Variants in COG6 observed in about 807,000 individuals in gnomAD.
The protein encoded by COG6 is component of oligomeric golgi complex 6, also known as conserved oligomeric Golgi complex subunit 6.
In COG6, 74 loss-of-function variants were observed where a neutral mutation model predicts 88.8. The observed-to-expected ratio is 0.83, with a 90% CI of 0.69 to 1.01. The LOEUF (loss-of-function observed/expected upper bound fraction) is 1.01. COG6 is among the 50% of genes least tolerant of loss of function. The pLI is 0.00. For synonymous variants in COG6, 286 were observed against 278.7 expected, an observed-to-expected ratio of 1.03 and a Z score of -0.26; for missense variants, 800 against 797.9, an observed-to-expected ratio of 1.00 and a Z score of -0.03.
At chr13:39,690,360 T>G (rs1876912108) in intron 11 of COG6, among the ~76,000 whole-genome samples, 1 of 152,040 alleles carries the variant, frequency 6.6e-6, no homozygotes, top group African/African-American at 2.4e-5. Context: ...TCCGCTTAAC[T>G]CTTCTGCACC....
chr13:39,723,834 T>C (rs2138084696), intron 16 of COG6, among the ~76,000 whole-genome samples: 1 of 152,212 alleles, frequency 6.6e-6, no homozygotes, highest in South Asian at 2.1e-4. Flanking sequence ...GTTAATTGAA[T>C]GCATAGATTA....
intron 4 of COG6, among the ~76,000 whole-genome samples, chr13:39,674,419 G>C (rs1186198297): frequency 6.6e-6 from 1 of 152,028 alleles, no homozygotes; most frequent in Non-Finnish European, 1.5e-5. Context: ...ATACGACAGA[G>C]ATAAGTTTTC....
rs748189069 is a variant in COG6, at chr13:39,677,425, G to A, written c.429-43G>A. 2.7e-6 allele frequency: 3 copies of A among 1,098,982 alleles called. No individual in the cohort carries two copies. In the East Asian group the frequency reaches 7.1e-5, roughly 26 times the overall value. 68.1% of individuals were successfully genotyped at this position (1,098,982 alleles called of 1,614,324 possible). On this transcript the variant is annotated intron_variant, in intron 4 of 18. Transcript: ENST00000455146. ...GAATTTGTTTTAAAGCTATGCAACT[G>A]TGTAAGATGCTTGATTTTTATTGCT...
intron 13 of COG6, among the ~76,000 whole-genome samples, chr13:39,700,904 G>A (rs565261213): frequency 6.6e-6 from 1 of 151,962 alleles, no homozygotes; most frequent in South Asian, 2.1e-4. Context: ...TTAGATAGGT[G>A]AGGAAAGGAG....
At chr13:39,694,565 C>T in intron 11 of COG6, 69 bp from the exon 12 acceptor site, 2 of 919,460 alleles carry the variant, frequency 2.2e-6, no homozygotes, top group East Asian at 2.5e-5. Context: ...CTATTCATAC[C>T]ATATGTTATT....
At chr13:39,723,476 C>T (rs1430400428) in intron 16 of COG6, 36 bp downstream of exon 16, 1 of 1,208,220 alleles carries the variant, frequency 8.3e-7, no homozygotes, top group Non-Finnish European at 1.2e-6. Flanking sequence ...ATTCTAAGAA[C>T]ATGCCAGTTT....
intron 3 of COG6, chr13:39,664,038 C>T (rs67976778): frequency 0.41 from 63,869 of 154,344 alleles, 13,515 homozygotes; most frequent in Admixed American, 0.56. Context: ...ACCTAGAAAG[C>T]AATAAGACAG....
intron 18 of COG6, among the ~76,000 whole-genome samples, chr13:39,749,193 G>A (rs911466108): frequency 1.2e-4 from 18 of 152,198 alleles, no homozygotes; most frequent in Admixed American, 1.0e-3. Context: ...ATGGAAAACA[G>A]TGGTGGCTCA....
chr13:39,719,840 A>G lies in COG6; in HGVS notation c.1584+13A>G, dbSNP rs1415188756. The G allele has an allele frequency of 4.4e-6, 7 of 1,592,882 alleles. No homozygotes were observed. The South Asian group carries it at 4.4e-5, about 10-fold the overall frequency. On this transcript the variant is annotated intron_variant, in intron 15 of 18. Coordinates refer to ENST00000455146, the MANE Select transcript of COG6 (RefSeq NM_020751.3). Reference sequence around the variant, plus strand: ...GCTACAGTTTCAGGTAAATTTTTCTATAAAATGACTATTGACTATGATTGA... The same window carrying G: ...GCTACAGTTTCAGGTAAATTTTTCTGTAAAATGACTATTGACTATGATTGA...
intron 18 of COG6, among the ~76,000 whole-genome samples, chr13:39,768,528 A>G (rs1196633573): frequency 6.6e-6 from 1 of 152,118 alleles, no homozygotes; most frequent in Non-Finnish European, 1.5e-5. Flanking sequence ...GGCCAGAAAA[A>G]CAAACCTGGA....
intron 18 of COG6, among the ~76,000 whole-genome samples, chr13:39,743,373 GAA>G (rs1880156520): frequency 6.6e-6 from 1 of 151,916 alleles, no homozygotes; most frequent in African/African-American, 2.4e-5. Flanking sequence ...TAATAAAGAA[GAA>G]AAGAGAGAAG....
intron 4 of COG6, among the ~76,000 whole-genome samples, chr13:39,676,407 G>T (rs953199370): frequency 1.3e-5 from 2 of 152,072 alleles, no homozygotes; most frequent in African/African-American, 2.4e-5. Flanking sequence ...ATAACTTTTA[G>T]ATATCAATAA....
chr13:39,700,041 ATAAT>A (rs1566185562), intron 13 of COG6, among the ~76,000 whole-genome samples: 1 of 151,902 alleles, frequency 6.6e-6, no homozygotes, highest in African/African-American at 2.4e-5. Flanking sequence ...TCTGAGTTAT[ATAAT>A]TATTTATGAA....
chr13:39,677,941 C>T (rs1054435927), intron 5 of COG6, among the ~76,000 whole-genome samples: 15 of 152,188 alleles, frequency 9.9e-5, no homozygotes, highest in African/African-American at 3.6e-4. Flanking sequence ...TATTGATTCT[C>T]TATTGTGAAA....
Position 39,719,945 on chromosome 13 carries a change from C to A in COG6, c.1584+118C>A, listed in dbSNP as rs148457670. On this transcript the variant is annotated intron_variant, in intron 15 of 18. Transcript: ENST00000455146. Reference sequence around the variant, plus strand: ...CTAATTCCTATAGATCCCTTGATATCATCTGATGAAAGGACACACATGCAT... The same window carrying A: ...CTAATTCCTATAGATCCCTTGATATAATCTGATGAAAGGACACACATGCAT... 221 of 712,248 alleles carry A rather than the reference C, an allele frequency of 3.1e-4. 2 individuals are homozygous for A. The African/African-American group carries it at 3.3e-3, about 11-fold the overall frequency. The allele number at this position is 712,248 out of a possible 1,614,324, so 44.1% of individuals were successfully genotyped here.
intron 18 of COG6, among the ~76,000 whole-genome samples, chr13:39,740,275 C>T (rs1439579675): frequency 1.3e-5 from 2 of 152,136 alleles, no homozygotes; most frequent in East Asian, 3.9e-4. Context: ...ATAATTAGCA[C>T]TCTGGCCCAA....
At position 39,675,936 on chromosome 13, in the gene COG6, A is replaced by G. The variant is rs190112976; in HGVS notation, c.429-1532A>G. Among the ~76,000 whole-genome samples, 3 of 152,258 alleles carry G rather than the reference A, an allele frequency of 2.0e-5. No individual in the cohort carries two copies. In the East Asian group the frequency reaches 5.8e-4, roughly 29 times the overall value. On this transcript the variant is annotated intron_variant, in intron 4 of 18. Coordinates refer to ENST00000455146, the MANE Select transcript of COG6 (RefSeq NM_020751.3). The stretch of plus-strand genomic sequence containing the variant: ...GCTTTTAAAAATTCATTTTTAATTT[A>G]TAATTGACATATAATGATTATATAT...
intron 18 of COG6, among the ~76,000 whole-genome samples, chr13:39,765,767 T>A (rs1341977681): frequency 6.6e-6 from 1 of 152,224 alleles, no homozygotes; most frequent in Non-Finnish European, 1.5e-5. Flanking sequence ...TTATATCCAA[T>A]AGCCTAAGGT....
intron 18 of COG6, among the ~76,000 whole-genome samples, chr13:39,730,773 C>CAAGAAAAAAAAAAAAAAAAA (rs1879395523): frequency 2.5e-5 from 1 of 39,472 alleles, no homozygotes; most frequent in Non-Finnish European, 4.5e-5. Context: ...GACTCCATCT[C>CAAGAAAAAAAAAAAAAAAAA]AAAAAAAAAA....
Sources: allele counts gnomAD v4.1 joint callset (sites outside exome capture counted in the v4.1 genomes callset), GRCh38; gene constraint gnomAD v4.1.1; transcripts MANE v1.5; gene names NCBI Gene and HGNC (gene_info 2026-07-23, HGNC 2026-07-21).